The following RELN variants were observed in gnomAD, a reference collection of about 807,000 sequenced individuals.
RELN encodes the protein reelin.
RELN carries 108 observed loss-of-function variants against 427.6 expected under a neutral mutation model. That is an observed-to-expected ratio of 0.25 (90% CI 0.22 to 0.30). The LOEUF (loss-of-function observed/expected upper bound fraction) is 0.30. Among genes scored for constraint, RELN ranks in the 10% least tolerant of loss-of-function variants. RELN has a pLI of 1.00. For missense variants in RELN, 3,715 were observed against 4,302.8 expected, an observed-to-expected ratio of 0.86 and a Z score of 3.82; for synonymous variants, 1,524 against 1,513.4, an observed-to-expected ratio of 1.01 and a Z score of -0.16.
At chr7:103,764,853 A>AAAT (rs1554414953) in intron 4 of RELN, among the ~76,000 whole-genome samples, 33 of 150,872 alleles carry the variant, frequency 2.2e-4, no homozygotes, top group African/African-American at 7.9e-4. Flanking sequence ...AAAAAAAAAA[A>AAAT]AAGTGCAAAA....
intron 2 of RELN, among the ~76,000 whole-genome samples, chr7:103,895,414 C>G (rs1273869730): frequency 6.6e-6 from 1 of 152,084 alleles, no homozygotes; most frequent in Non-Finnish European, 1.5e-5. Context: ...GCCTAGTTTA[C>G]CATCTGTTTG....
At chr7:103,763,857 G>A (rs898008732) in intron 4 of RELN, among the ~76,000 whole-genome samples, 5 of 151,776 alleles carry the variant, frequency 3.3e-5, no homozygotes. Flanking sequence ...AGGGTTTGAG[G>A]CCAGGAGCAT....
intron 20 of RELN, among the ~76,000 whole-genome samples, chr7:103,624,867 A>T (rs1122671): frequency 0.41 from 62,060 of 151,148 alleles, 13,004 homozygotes; most frequent in African/African-American, 0.5. Flanking sequence ...CTTGTGTTTT[A>T]AAAAAAAAGC....
At chr7:103,475,038 G>T (rs1827985510) in intron 64 of RELN, among the ~76,000 whole-genome samples, 1 of 152,180 alleles carries the variant, frequency 6.6e-6, no homozygotes, top group South Asian at 2.1e-4. Flanking sequence ...GACGTTTCAA[G>T]TCCTCTTCAT....
intron 12 of RELN, among the ~76,000 whole-genome samples, chr7:103,658,608 C>G (rs1833072224): frequency 6.6e-6 from 1 of 152,030 alleles, no homozygotes; most frequent in South Asian, 2.1e-4. Context: ...TGCTGCTGTT[C>G]CCTCAAGATC....
chr7:103,843,048 T>C (rs1046887751), intron 2 of RELN, among the ~76,000 whole-genome samples: 13 of 152,088 alleles, frequency 8.5e-5, no homozygotes, highest in African/African-American at 3.1e-4. Flanking sequence ...CTTGGGCAGG[T>C]TACTCTATCA....
intron 8 of RELN, among the ~76,000 whole-genome samples, chr7:103,702,372 C>T (rs1834112129): frequency 6.6e-6 from 1 of 152,210 alleles, no homozygotes; most frequent in African/African-American, 2.4e-5. Flanking sequence ...TTATGTCTTA[C>T]ACACCATAAC....
In RELN at chr7:103,557,278, T is replaced by C; in HGVS notation, c.5615-119A>G. ...AGAACTTATGTTTACATGGAAGCTT[T>C]ATAGTCCAAATGCTTCAGAAGCAAC... On this transcript the variant is annotated intron_variant, in intron 37 of 64. Transcript: ENST00000428762. 3.4e-6 allele frequency: 3 copies of C among 884,600 alleles called. No homozygotes were observed. The South Asian group carries it at 4.4e-5, about 13-fold the overall frequency. The allele number at this position is 884,600 out of a possible 1,614,324, so 54.8% of individuals were successfully genotyped here.
At chr7:103,907,020 A>G (rs1291500837) in intron 2 of RELN, among the ~76,000 whole-genome samples, 2 of 152,188 alleles carry the variant, frequency 1.3e-5, no homozygotes, top group Non-Finnish European at 2.9e-5. Context: ...TCCATCCACT[A>G]AACAACAAAA....
chr7:103,966,902 C>T (rs533429312), intron 1 of RELN, among the ~76,000 whole-genome samples: 159 of 152,308 alleles, frequency 1.0e-3, no homozygotes, highest in Middle Eastern at 6.8e-3. Context: ...AATGCTTCCA[C>T]CATTTCTTCA....
chr7:103,886,850 C>T lies in RELN; in HGVS notation c.337+30225G>A, dbSNP rs368714404. Among the ~76,000 whole-genome samples the T allele has an allele frequency of 5.9e-5, 9 of 152,262 alleles. No individual in the cohort carries two copies. In the South Asian group the frequency reaches 1.5e-3, roughly 25 times the overall value. ...AGTATATACTTTTAGGCAGCCACCA[C>T]CCTTGAACTCACTTGCTAGCAACCT... On this transcript the variant is annotated intron_variant, in intron 2 of 64. Transcript: ENST00000428762.
intron 51 of RELN, among the ~76,000 whole-genome samples, chr7:103,505,802 G>T (rs576415529): frequency 6.6e-6 from 1 of 152,116 alleles, no homozygotes; most frequent in African/African-American, 2.4e-5. Flanking sequence ...AGCTAAAGGC[G>T]CATGTTCTAA....
chr7:103,731,798 C>T (rs1790361976), intron 6 of RELN, among the ~76,000 whole-genome samples: 3 of 152,000 alleles, frequency 2.0e-5, no homozygotes, highest in Non-Finnish European at 4.4e-5. Context: ...CCACTTTTTT[C>T]ATTTTCCACT....
intron 1 of RELN, among the ~76,000 whole-genome samples, chr7:103,923,284 C>A (rs1301862395): frequency 1.3e-5 from 2 of 152,130 alleles, no homozygotes; most frequent in Non-Finnish European, 2.9e-5. Flanking sequence ...TAGCTCTGGG[C>A]ACCAAATAGA....
At chr7:103,847,081 AG>A (rs1236440992) in intron 2 of RELN, among the ~76,000 whole-genome samples, 1 of 152,242 alleles carries the variant, frequency 6.6e-6, no homozygotes, top group African/African-American at 2.4e-5. Flanking sequence ...ATATACCCAA[AG>A]GGTTATAAAT....
chr7:103,956,066 C>T (rs113523818), intron 1 of RELN, among the ~76,000 whole-genome samples: 1 of 152,050 alleles, frequency 6.6e-6, no homozygotes, highest in African/African-American at 2.4e-5. Flanking sequence ...AAATTTCTGT[C>T]GTATTTTACC....
chr7:103,920,167 A>C (rs968287970), intron 1 of RELN, among the ~76,000 whole-genome samples: 2 of 152,188 alleles, frequency 1.3e-5, no homozygotes, highest in African/African-American at 4.8e-5. Context: ...TCCAAGCTGC[A>C]TAGTTTAAAA....
rs75091061 is a variant in RELN, at chr7:103,799,338, C to T, written c.474-22711G>A. ...TGACTAGGTCTAGTTACATAGGATG[C>T]TACTACAATTAGAACCATGGCAAAG... is the stretch of plus-strand genomic sequence containing the variant. On this transcript the variant is annotated intron_variant, in intron 3 of 64. Transcript: ENST00000428762. Among the ~76,000 whole-genome samples the T allele has an allele frequency of 9.0e-4, 137 of 152,172 alleles. 1 individual carries two copies. In the East Asian group the frequency reaches 0.024, roughly 27 times the overall value.
Position 103,610,669 on chromosome 7 carries a change from A to G in RELN, c.3008+26T>C, listed in dbSNP as rs147994579. ...AAGGGATAGTCAAAGTTAAAGTGAC[A>G]GCCATATCTAAAGATGTCATCTCAC... On this transcript the variant is annotated intron_variant, in intron 22 of 64. Coordinates refer to ENST00000428762, the MANE Select transcript of RELN (RefSeq NM_005045.4). 5.5e-6 allele frequency: 6 copies of G among 1,082,146 alleles called. No individual in the cohort carries two copies. In the East Asian group the frequency reaches 1.4e-4, roughly 26 times the overall value. 67.0% of individuals were successfully genotyped at this position (1,082,146 alleles called of 1,614,324 possible). A position where few individuals can be genotyped will look rare whatever the true frequency, so the allele number is the denominator to read the frequency against.
Sources: allele counts gnomAD v4.1 joint callset (sites outside exome capture counted in the v4.1 genomes callset), GRCh38; gene constraint gnomAD v4.1.1; transcripts MANE v1.5; gene names NCBI Gene and HGNC (gene_info 2026-07-23, HGNC 2026-07-21).